VTI1A: variants seen among roughly 807,000 people sequenced by gnomAD.
VTI1A encodes the protein vesicle transport through interaction with t-SNAREs homolog 1A.
In VTI1A, 22 loss-of-function variants were observed where a neutral mutation model predicts 34.9. The observed-to-expected ratio is 0.63, with a 90% CI of 0.45 to 0.90. The LOEUF (loss-of-function observed/expected upper bound fraction) is 0.90. Ranked by LOEUF, VTI1A falls within the 40% of genes least tolerant of loss-of-function variation. The probability of loss-of-function intolerance (pLI) is 0.00; values close to 1 mark genes in which losing one functional copy is unlikely to be tolerated. For synonymous variants in VTI1A, 87 were observed against 97.3 expected (o/e 0.89, Z 0.62); for missense variants, 268 against 275.6 (o/e 0.97, Z 0.20).
chr10:112,835,748 A>C, the VTI1A span, among the ~76,000 whole-genome samples: 1 of 152,242 alleles, frequency 6.6e-6, no homozygotes, highest in Non-Finnish European at 1.5e-5. Context: ...AAATGTCTTC[A>C]ATGAGATAAA....
rs933797914 is a variant in VTI1A, at chr10:112,736,650, A to G, written c.560+67652A>G. 1.9e-6 allele frequency: 3 copies of G among 1,544,746 alleles called. No individual in the cohort carries two copies. The Admixed American group carries it at 5.9e-5, about 30-fold the overall frequency. On this transcript the variant is annotated intron_variant, in intron 7 of 7. Coordinates refer to ENST00000393077, the MANE Select transcript of VTI1A (RefSeq NM_145206.4). The stretch of plus-strand genomic sequence containing the variant: ...CTAAATGCCAAAATTGGAAACAAGT[A>G]TACAAACTAGTGCATTTAGCAATGA...
At chr10:112,725,020 A>G (rs2133947008) in intron 7 of VTI1A, among the ~76,000 whole-genome samples, 1 of 152,340 alleles carries the variant, frequency 6.6e-6, no homozygotes, top group Non-Finnish European at 1.5e-5. Context: ...TCTCTAGAAC[A>G]TACAGCATAA....
intron 7 of VTI1A, among the ~76,000 whole-genome samples, chr10:112,808,972 C>T (rs1474490401): frequency 1.3e-5 from 2 of 152,204 alleles, no homozygotes; most frequent in African/African-American, 2.4e-5. Context: ...GGAATTCCAT[C>T]TGGCTTGAGT....
chr10:112,706,914 G>A (rs1324818555), intron 7 of VTI1A, among the ~76,000 whole-genome samples: 1 of 152,024 alleles, frequency 6.6e-6, no homozygotes, highest in African/African-American at 2.4e-5. Flanking sequence ...TGTTTATCAT[G>A]TTGCTCCCAC....
chr10:112,842,051 CTTTTTTTTTTT>C, the VTI1A span, among the ~76,000 whole-genome samples: 342 of 66,652 alleles, frequency 5.1e-3, 2 homozygotes, highest in African/African-American at 0.018. Flanking sequence ...TTTTTTTTTC[CTTTTTTTTTTT>C]TTTTTTTTTT....
chr10:112,596,111 A>G (rs1202173698), intron 5 of VTI1A, among the ~76,000 whole-genome samples: 3 of 149,672 alleles, frequency 2.0e-5, no homozygotes, highest in Non-Finnish European at 4.5e-5. Flanking sequence ...GAATTGAACA[A>G]TGAGAACACA....
chr10:112,715,925 G>T (rs1849593704), intron 7 of VTI1A, among the ~76,000 whole-genome samples: 1 of 152,194 alleles, frequency 6.6e-6, no homozygotes, highest in African/African-American at 2.4e-5. Flanking sequence ...TAACTACTTT[G>T]TCAGTGTATT....
At chr10:112,527,776 C>G (rs184185796) in intron 4 of VTI1A, among the ~76,000 whole-genome samples, 1 of 151,298 alleles carries the variant, frequency 6.6e-6, no homozygotes, top group African/African-American at 2.4e-5. Context: ...CTGCGTAGGC[C>G]AAAAAATAAG....
chr10:112,849,717 A>G, the VTI1A span, among the ~76,000 whole-genome samples: 1 of 152,198 alleles, frequency 6.6e-6, no homozygotes, highest in Non-Finnish European at 1.5e-5. Context: ...ATTCTGTCAA[A>G]TATTGCATGG....
intron 3 of VTI1A, among the ~76,000 whole-genome samples, chr10:112,472,554 C>A (rs372159001): frequency 1.4e-5 from 2 of 146,478 alleles, no homozygotes; most frequent in Non-Finnish European, 3.0e-5. Context: ...TTTTTTAACT[C>A]GAGATAGACT....
At chr10:112,571,941 A>G (rs967622080) in intron 5 of VTI1A, among the ~76,000 whole-genome samples, 5 of 152,212 alleles carry the variant, frequency 3.3e-5, no homozygotes, top group Admixed American at 3.3e-4. Context: ...TTGGCTACTC[A>G]TTGGCATAAA....
rs1160491592 is a variant in VTI1A at position 112,486,540 on chromosome 10, T to C, written c.264+21883T>C. On this transcript the variant is annotated intron_variant, in intron 3 of 7. Coordinates refer to ENST00000393077, the MANE Select transcript of VTI1A (RefSeq NM_145206.4). ...TGTTTCTAATAGACTACTTTTCTGCTTAAATCTAAAACTAGCCTTGGAAAT... is the reference window on the plus strand; with the variant it reads ...TGTTTCTAATAGACTACTTTTCTGCCTAAATCTAAAACTAGCCTTGGAAAT... Among the ~76,000 whole-genome samples the C allele has an allele frequency of 2.8e-5, 4 of 144,402 alleles. No individual in the cohort carries two copies. In the East Asian group the frequency reaches 7.8e-4, roughly 28 times the overall value. 94.7% of individuals were successfully genotyped at this position (144,402 alleles called of 152,430 possible).
At chr10:112,800,894 G>A (rs1021621053) in intron 7 of VTI1A, among the ~76,000 whole-genome samples, 1 of 152,184 alleles carries the variant, frequency 6.6e-6, no homozygotes, top group African/African-American at 2.4e-5. Flanking sequence ...TCTCAGAGAA[G>A]GAATGCAGTA....
the VTI1A span, among the ~76,000 whole-genome samples, chr10:112,838,165 G>T: frequency 6.6e-6 from 1 of 152,236 alleles, no homozygotes; most frequent in Non-Finnish European, 1.5e-5. Flanking sequence ...CAAGAGGGCT[G>T]GGGCCAAGCC....
At chr10:112,736,674 G>A (rs1391559488) in intron 7 of VTI1A, 3 of 1,550,764 alleles carry the variant, frequency 1.9e-6, no homozygotes, top group African/African-American at 2.7e-5. Context: ...ATTTAGCAAT[G>A]AGGGATGGTG....
rs150079155 is a variant in VTI1A at position 112,798,573 on chromosome 10, A to G, written c.561-16717A>G. On this transcript the variant is annotated intron_variant, in intron 7 of 7. Coordinates refer to ENST00000393077, the MANE Select transcript of VTI1A (RefSeq NM_145206.4). ...TAATTCATGGGTGATTTTCCTACTC[A>G]TTGCTGCCAAATACAGGACCTGAGA... 4.6e-5 allele frequency among the ~76,000 whole-genome samples: 7 copies of G among 152,208 alleles called. No individual in the cohort carries two copies. The East Asian group carries it at 1.4e-3, about 29-fold the overall frequency.
chr10:112,703,323 T>G (rs1256261731), intron 7 of VTI1A, among the ~76,000 whole-genome samples: 3 of 152,196 alleles, frequency 2.0e-5, no homozygotes, highest in African/African-American at 7.2e-5. Context: ...ACCCCAGCAC[T>G]TTGGGAGGCC....
At chr10:112,671,658 G>A (rs947762443) in intron 7 of VTI1A, among the ~76,000 whole-genome samples, 2 of 152,170 alleles carry the variant, frequency 1.3e-5, no homozygotes, top group African/African-American at 4.8e-5. Context: ...GAAGACAGGT[G>A]AAACCAGTGT....
intron 3 of VTI1A, among the ~76,000 whole-genome samples, chr10:112,465,034 A>T (rs559690985): frequency 6.6e-6 from 1 of 152,148 alleles, no homozygotes; most frequent in Non-Finnish European, 1.5e-5. Flanking sequence ...CTGAAAGCAT[A>T]TCTGTATTTT....
Sources: allele counts gnomAD v4.1 joint callset (sites outside exome capture counted in the v4.1 genomes callset), GRCh38; gene constraint gnomAD v4.1.1; transcripts MANE v1.5; gene names NCBI Gene and HGNC (gene_info 2026-07-23, HGNC 2026-07-21).